Variants in KIZ observed in about 807,000 individuals in gnomAD.
KIZ encodes kizuna centrosomal protein, also known as centrosomal protein kizuna.
A neutral mutation model predicts 79.6 loss-of-function variants in KIZ; 68 were observed. The ratio of observed to expected loss-of-function variants is 0.85; its 90% CI spans 0.70 to 1.05. KIZ has a LOEUF of 1.05. Ranked by LOEUF, KIZ falls within the 50% of genes least tolerant of loss-of-function variation. The pLI is 0.00. For missense variants in KIZ, 797 were observed against 800.4 expected, an observed-to-expected ratio of 1.00 and a Z score of 0.05; for synonymous variants, 280 against 281.8, an observed-to-expected ratio of 0.99 and a Z score of 0.06.
intron 2 of KIZ, among the ~76,000 whole-genome samples, chr20:21,133,652 A>T (rs2031989363): frequency 6.6e-6 from 1 of 152,262 alleles, no homozygotes; most frequent in Non-Finnish European, 1.5e-5. Context: ...CTGTAGAAGA[A>T]AATCCAAACA....
Position 21,132,147 on chromosome 20 carries a change from C to A in KIZ, c.140C>A (p.Ser47Tyr). Residue 47 changes from serine (S) to tyrosine (Y), a missense_variant, in exon 2 of 13, where the codon TCT (serine) becomes TAT (tyrosine). By Grantham distance (144) the Ser-to-Tyr change is moderately radical. Coordinates refer to ENST00000619189, the MANE Select transcript of KIZ (RefSeq NM_018474.6). The stretch of plus-strand genomic sequence containing the variant: ...AAGAAACTTTATGAATATAATCAGT[C>A]TGATACATGCAGGTAAGAGACGACA... ...LEKKLYEYNQ[S>Y]DTCRVKLKYV... 1 of 1,467,444 alleles carries A rather than the reference C, an allele frequency of 6.8e-7. No individual in the cohort carries two copies. The highest frequency in any genetic ancestry group is 9.3e-7 in the Non-Finnish European group (1 of 1,078,466). 90.9% of individuals were successfully genotyped at this position (1,467,444 alleles called of 1,614,324 possible).
At chr20:21,135,677 G>A (rs1036435817) in intron 2 of KIZ, among the ~76,000 whole-genome samples, 1 of 152,214 alleles carries the variant, frequency 6.6e-6, no homozygotes. Context: ...GGGAAGAAGA[G>A]TTAGGATTAA....
At chr20:21,134,919 G>A (rs770021646) in intron 2 of KIZ, among the ~76,000 whole-genome samples, 21 of 151,966 alleles carry the variant, frequency 1.4e-4, no homozygotes, top group Middle Eastern at 3.4e-3. Context: ...CACCCACCTC[G>A]GCCTCCCAAA....
chr20:21,204,515 CCT>C (rs1167314652), intron 6 of KIZ, among the ~76,000 whole-genome samples: 7 of 151,212 alleles, frequency 4.6e-5, no homozygotes, highest in African/African-American at 1.7e-4. Context: ...TCATGTATTC[CCT>C]GTGTTTCAGT....
In KIZ at chr20:21,126,162, A is replaced by G. The variant is rs1444193655; in HGVS notation, c.47A>G (p.Tyr16Cys). 2 of 1,509,850 alleles carry G rather than the reference A, an allele frequency of 1.3e-6. No homozygotes were observed. Among genetic ancestry groups the G allele is most frequent in the Non-Finnish European group, 1.8e-6 (2 of 1,127,786 alleles). The allele number at this position is 1,509,850 out of a possible 1,614,324, so 93.5% of individuals were successfully genotyped here. A position where few individuals can be genotyped will look rare whatever the true frequency, so the allele number is the denominator to read the frequency against. The stretch of plus-strand genomic sequence containing the variant: ...GCCGTGCCCCTGTCGAGTCCCGACT[A>G]CTACGAGAGGCTGGGCCAACTCCAG... ...ASAVPLSSPD[Y>C]YERLGQLQHG... The change falls in exon 1 of 13, where the codon TAC (tyrosine) becomes TGC (cysteine). Residue 16 changes from tyrosine (Y) to cysteine (C), a missense_variant. Transcript: ENST00000619189.
In KIZ at chr20:21,166,152, T is replaced by A. The variant is rs906605384; in HGVS notation, c.1352+2993T>A. 35 of 800,574 alleles carry A rather than the reference T, an allele frequency of 4.4e-5. No homozygotes were observed. In the African/African-American group the frequency reaches 5.5e-4, roughly 13 times the overall value. 49.6% of individuals were successfully genotyped at this position (800,574 alleles called of 1,614,324 possible). ...TGGCTAATTTTTGTATTTTGTATTT[T>A]TTTTTTTTTTTTGTCCATGAGGCAT... On this transcript the variant is annotated intron_variant, in intron 6 of 12. Transcript: ENST00000619189.
At chr20:21,188,173 C>T (rs954144765) in intron 6 of KIZ, among the ~76,000 whole-genome samples, 6 of 152,096 alleles carry the variant, frequency 3.9e-5, no homozygotes, top group African/African-American at 9.7e-5. Flanking sequence ...CAGAGTTGGC[C>T]GTAAAGAAAT....
intron 6 of KIZ, among the ~76,000 whole-genome samples, chr20:21,190,791 A>C (rs1486140643): frequency 1.3e-5 from 2 of 152,234 alleles, no homozygotes; most frequent in African/African-American, 4.8e-5. Flanking sequence ...GATAGTTTTA[A>C]AAGTAATCTT....
intron 3 of KIZ, among the ~76,000 whole-genome samples, chr20:21,144,539 G>T (rs933021480): frequency 6.6e-6 from 1 of 151,430 alleles, no homozygotes; most frequent in African/African-American, 2.4e-5. Context: ...CATTTAATTG[G>T]GTATCTATTT....
At chr20:21,206,697 G>A (rs2035841613) in intron 7 of KIZ, among the ~76,000 whole-genome samples, 1 of 152,192 alleles carries the variant, frequency 6.6e-6, no homozygotes, top group African/African-American at 2.4e-5. Context: ...AGCCACTGGA[G>A]CTTTTTGAAC....
chr20:21,235,485 C>T (rs759898826), intron 11 of KIZ, among the ~76,000 whole-genome samples: 21 of 152,144 alleles, frequency 1.4e-4, no homozygotes, highest in Non-Finnish European at 2.9e-5. Context: ...AATAGGAAGC[C>T]GTTCTCCAAG....
chr20:21,131,926 G>A, intron 1 of KIZ, 171 bp from the exon 2 acceptor site: 1 of 486,102 alleles, frequency 2.1e-6, no homozygotes. Context: ...GGCATTTTCT[G>A]CTTCTTAGAC....
intron 4 of KIZ, among the ~76,000 whole-genome samples, chr20:21,158,035 C>T (rs973168969): frequency 6.6e-6 from 1 of 152,180 alleles, no homozygotes; most frequent in Non-Finnish European, 1.5e-5. Context: ...CATAGTAGCC[C>T]ATCCCTTAGA....
intron 4 of KIZ, among the ~76,000 whole-genome samples, chr20:21,160,677 ATT>A (rs1276707038): frequency 1.3e-5 from 2 of 152,136 alleles, no homozygotes; most frequent in African/African-American, 2.4e-5. Flanking sequence ...TGGGCTGAAT[ATT>A]TGTGTCCCCC....
chr20:21,224,472 T>G (rs966139948), intron 9 of KIZ, among the ~76,000 whole-genome samples: 2 of 152,230 alleles, frequency 1.3e-5, no homozygotes, highest in African/African-American at 2.4e-5. Flanking sequence ...ATGTGAAAAG[T>G]AACAATGCTG....
intron 6 of KIZ, among the ~76,000 whole-genome samples, chr20:21,177,912 C>G (rs1421828087): frequency 1.3e-5 from 2 of 152,034 alleles, no homozygotes; most frequent in Non-Finnish European, 2.9e-5. Flanking sequence ...TATGGGCTCT[C>G]TATTCTGAAT....
At chr20:21,149,439 C>T (rs553052218) in intron 4 of KIZ, among the ~76,000 whole-genome samples, 27 of 152,280 alleles carry the variant, frequency 1.8e-4, no homozygotes, top group African/African-American at 6.3e-4. Context: ...GCGTCCGTTT[C>T]GGTTGGCTTT....
chr20:21,126,653 T>G (rs996533099), intron 1 of KIZ, among the ~76,000 whole-genome samples: 1 of 152,098 alleles, frequency 6.6e-6, no homozygotes, highest in Admixed American at 6.5e-5. Flanking sequence ...GACGGTTGTG[T>G]GTGTGTGTGT....
intron 6 of KIZ, among the ~76,000 whole-genome samples, chr20:21,176,365 A>G (rs1364131049): frequency 6.6e-6 from 1 of 152,142 alleles, no homozygotes; most frequent in Non-Finnish European, 1.5e-5. Context: ...AGGGAAGGAG[A>G]CAAAAACAAG....
Sources: allele counts gnomAD v4.1 joint callset (sites outside exome capture counted in the v4.1 genomes callset), GRCh38; gene constraint gnomAD v4.1.1; transcripts MANE v1.5; gene names NCBI Gene and HGNC (gene_info 2026-07-23, HGNC 2026-07-21).